The following MED13 variants were observed in gnomAD, a reference collection of about 807,000 sequenced individuals.
MED13 encodes the protein mediator of RNA polymerase II transcription subunit 13.
A neutral mutation model predicts 225.2 loss-of-function variants in MED13; 23 were observed. The ratio of observed to expected loss-of-function variants is 0.10; its 90% confidence interval spans 0.07 to 0.14. The LOEUF is 0.14. MED13 is among the 10% of genes least tolerant of loss of function. The pLI is 1.00. For synonymous variants in MED13, 942 were observed against 889.2 expected, an observed-to-expected ratio of 1.06 and a Z score of -1.06; for missense variants, 2,197 against 2,594.5, an observed-to-expected ratio of 0.85 and a Z score of 3.33.
chr17:62,011,150 T>C lies in MED13; in HGVS notation c.1367A>G (p.His456Arg), dbSNP rs773472808. The change falls in exon 9 of 30, where the codon CAC becomes CGC. Residue 456 changes from histidine to arginine, a missense_variant. Physicochemically the swap from His to Arg is conservative, Grantham distance 29. Coordinates refer to ENST00000397786, the MANE Select transcript of MED13 (RefSeq NM_005121.3). ...LGQQQQILPK[H>R]KTNEKQEKSE... is the part of the protein sequence containing the mutation. ...CTTTTCTTGCTTCTCATTGGTCTTGTGCTTAGGAAGTATTTGTTGTTGCTG... is the reference window on the plus strand; with the variant it reads ...CTTTTCTTGCTTCTCATTGGTCTTGCGCTTAGGAAGTATTTGTTGTTGCTG... The C allele has an allele frequency of 2.5e-6, 4 of 1,614,230 alleles. No individual in the cohort carries two copies. Among genetic ancestry groups the C allele is most frequent in the Non-Finnish European group, 3.4e-6 (4 of 1,180,038 alleles).
chr17:62,003,010 C>T (rs1321939596), intron 9 of MED13, among the ~76,000 whole-genome samples: 1 of 152,120 alleles, frequency 6.6e-6, no homozygotes, highest in Non-Finnish European at 1.5e-5. Context: ...GTAGCACACC[C>T]CAAGGTGATA....
chr17:61,990,583 G>T (rs187450819), intron 11 of MED13, among the ~76,000 whole-genome samples: 1 of 145,898 alleles, frequency 6.9e-6, no homozygotes, highest in East Asian at 2.0e-4. Flanking sequence ...TATGTATAGG[G>T]TCTCACTATA....
At position 61,946,502 on chromosome 17, in the gene MED13, T is replaced by C; in HGVS notation, c.6491A>G (p.Asn2164Ser). The C allele has an allele frequency of 6.2e-7, 1 of 1,613,920 alleles. No individual in the cohort carries two copies. Among genetic ancestry groups the C allele is most frequent in the Non-Finnish European group, 8.5e-7 (1 of 1,179,802 alleles). ...ATTCATAATAAAGTTATATAACTGA[T>C]TCAGCACCACAAAATGAATTGGGAG... ...SCLPIHFVVL[N>S]QLYNFIMNML Residue 2164 changes from asparagine (N) to serine (S), a missense_variant, in exon 30 of 30, where the codon AAT (asparagine) becomes AGT (serine). Transcript: ENST00000397786.
intron 19 of MED13, 151 bp from the exon 20 acceptor site, chr17:61,965,619 GCTTT>G (rs1424142467): frequency 2.8e-6 from 2 of 718,818 alleles, no homozygotes; most frequent in African/African-American, 1.8e-5. Flanking sequence ...ACCTACACTT[GCTTT>G]CTATTTTCCC....
At chr17:61,956,659 C>T (rs1248904908) in intron 23 of MED13, among the ~76,000 whole-genome samples, 178 bp from the exon 24 acceptor site, 2 of 152,048 alleles carry the variant, frequency 1.3e-5, no homozygotes, top group African/African-American at 2.4e-5. Context: ...CCTGCCTCAG[C>T]CTCATGAATA....
chr17:62,025,873 C>A (rs1285423267), intron 8 of MED13, among the ~76,000 whole-genome samples: 9 of 152,146 alleles, frequency 5.9e-5, no homozygotes, highest in Non-Finnish European at 1.2e-4. Context: ...AAATTTTCAA[C>A]AAAGTTGCCA....
Position 61,956,322 on chromosome 17 carries a change from TA to T in MED13, c.5623+16del, listed in dbSNP as rs1034197681. ...CATAAAACGGAAATATAAATACTAATAAAAGCACAATTTTACCTTTCAATTC... is the reference window on the plus strand; with the variant it reads ...CATAAAACGGAAATATAAATACTAATAAAGCACAATTTTACCTTTCAATTC... On this transcript the variant is annotated intron_variant, in intron 24 of 29. Transcript: ENST00000397786. 6.2e-7 allele frequency: 1 copy of T among 1,603,420 alleles called. No homozygotes were observed. The highest frequency in any genetic ancestry group is 8.5e-7 in the Non-Finnish European group (1 of 1,176,474).
At chr17:62,023,922 AAACT>A (rs1470524460) in intron 8 of MED13, among the ~76,000 whole-genome samples, 3 of 152,250 alleles carry the variant, frequency 2.0e-5, no homozygotes, top group African/African-American at 4.8e-5. Context: ...CTAAAGGAGC[AAACT>A]AACCAAAGCA....
At position 61,985,800 on chromosome 17, in the gene MED13, T is replaced by C. The variant is rs567341446; in HGVS notation, c.2386-710A>G. ...AAGTTGAACACATTAAAGTTTCCTA[T>C]ATAATCAATCACTCACCTATCTAAA... On this transcript the variant is annotated intron_variant, in intron 12 of 29. Coordinates refer to ENST00000397786, the MANE Select transcript of MED13 (RefSeq NM_005121.3). 3.9e-5 allele frequency among the ~76,000 whole-genome samples: 6 copies of C among 152,366 alleles called. No individual in the cohort carries two copies. In the South Asian group the frequency reaches 6.2e-4, roughly 16 times the overall value.
chr17:62,039,026 G>A (rs16945801), intron 3 of MED13, among the ~76,000 whole-genome samples: 13 of 151,980 alleles, frequency 8.6e-5, no homozygotes, highest in African/African-American at 3.1e-4. Flanking sequence ...TGATATAAAG[G>A]GATAAATTGG....
Position 61,977,744 on chromosome 17 carries a change from G to A in MED13, c.3805+4454C>T, listed in dbSNP as rs185049680. On this transcript the variant is annotated intron_variant, in intron 16 of 29. Coordinates refer to ENST00000397786, the MANE Select transcript of MED13 (RefSeq NM_005121.3). ...ATTACAGGCATGAGCCACCGTGCCC[G>A]GCCCATTATTTGTTTTTAATACTGA... Among the ~76,000 whole-genome samples, 141 of 151,860 alleles carry A rather than the reference G, an allele frequency of 9.3e-4. 6 individuals carry two copies. The East Asian group carries it at 0.019, about 20-fold the overall frequency.
intron 17 of MED13, among the ~76,000 whole-genome samples, chr17:61,971,499 C>T (rs1465571942): frequency 9.2e-5 from 14 of 152,002 alleles, no homozygotes; most frequent in South Asian, 4.2e-4. Context: ...GGTTTCTCCA[C>T]GTTGGTCAGG....
chr17:62,016,901 T>TGAGG (rs2080587480), intron 8 of MED13, among the ~76,000 whole-genome samples: 1 of 151,762 alleles, frequency 6.6e-6, no homozygotes, highest in Non-Finnish European at 1.5e-5. Context: ...TCCCAACTAC[T>TGAGG]CAGGAGGCTG....
intron 6 of MED13, 180 bp downstream of exon 6, chr17:62,031,264 T>C: frequency 1.8e-6 from 1 of 546,428 alleles, no homozygotes; most frequent in Non-Finnish European, 3.1e-6. Context: ...ATGTACATCA[T>C]ACAGACAGGG....
intron 8 of MED13, among the ~76,000 whole-genome samples, chr17:62,024,108 T>C (rs1358016285): frequency 6.6e-6 from 1 of 152,044 alleles, no homozygotes; most frequent in African/African-American, 2.4e-5. Context: ...ACCTCTGCCT[T>C]CCGGGTTCAA....
chr17:62,014,494 T>C (rs1208482346), intron 8 of MED13, among the ~76,000 whole-genome samples: 2 of 151,900 alleles, frequency 1.3e-5, no homozygotes, highest in Admixed American at 6.6e-5. Context: ...TTTTTGTATT[T>C]TCAGTAGAGG....
At chr17:62,057,547 C>A (rs1177914871) in intron 2 of MED13, among the ~76,000 whole-genome samples, 2 of 150,632 alleles carry the variant, frequency 1.3e-5, no homozygotes, top group East Asian at 4.1e-4. Context: ...GTGGGGCACA[C>A]AACAATGTTT....
chr17:61,977,804 T>C (rs971795480), intron 16 of MED13, among the ~76,000 whole-genome samples: 1 of 151,964 alleles, frequency 6.6e-6, no homozygotes, highest in African/African-American at 2.4e-5. Context: ...CTTTTCTTTC[T>C]TCTCTCAAAC....
chr17:62,015,948 ATATATATTTTTTTTTTTTTTTTT>A lies in MED13; in HGVS notation c.1284-4738_1284-4716del, dbSNP rs1356970141. ...TATATATATATATATATATATATAT[ATATATATTTTTTTTTTTTTTTTT>A]TTTTTTTTTTTTAGTAGAGACCGGT... On this transcript the variant is annotated intron_variant, in intron 8 of 29. Coordinates refer to ENST00000397786, the MANE Select transcript of MED13 (RefSeq NM_005121.3). 2.0e-4 allele frequency among the ~76,000 whole-genome samples: 3 copies of A among 14,638 alleles called. No homozygotes were observed. In the East Asian group the frequency reaches 0.014, roughly 70 times the overall value. The allele number at this position is 14,638 out of a possible 152,430, so 9.6% of individuals were successfully genotyped here.
Sources: allele counts gnomAD v4.1 joint callset (sites outside exome capture counted in the v4.1 genomes callset), GRCh38; gene constraint gnomAD v4.1.1; transcripts MANE v1.5; gene names NCBI Gene and HGNC (gene_info 2026-07-23, HGNC 2026-07-21).